DYRK4: variants seen among roughly 807,000 people sequenced by gnomAD.
The protein encoded by DYRK4 is dual specificity tyrosine-phosphorylation-regulated kinase 4.
DYRK4 carries 64 observed loss-of-function variants against 68.3 expected under a neutral mutation model. The ratio of observed to expected loss-of-function variants is 0.94; its 90% CI spans 0.77 to 1.15. DYRK4 has a LOEUF of 1.15. Ranked by LOEUF, DYRK4 falls within the 50% of genes most tolerant of loss-of-function variation. DYRK4 has a pLI of 0.00. For synonymous variants in DYRK4, 274 were observed against 289.9 expected (o/e 0.95, Z 0.56); for missense variants, 740 against 764.7 (o/e 0.97, Z 0.38).
chr12:4,599,076 T>C lies in DYRK4; in HGVS notation c.954T>C (p.Ser318=). 6.2e-7 allele frequency: 1 copy of C among 1,614,132 alleles called. No individual in the cohort carries two copies. Among genetic ancestry groups the C allele is most frequent in the South Asian group, 1.1e-5 (1 of 91,080 alleles). ...AGAATAACAACTTTCAAGGCTTCAG[T>C]CTGTCCATAGTTCGGCGCTTCACTC... The part of the protein sequence containing the change: ...LMKNNNFQGF[S]LSIVRRFTLS... Residue 318 remains serine (S), a synonymous_variant, in exon 9 of 15, where the codon AGT becomes AGC. Coordinates refer to ENST00000543431, the MANE Select transcript of DYRK4 (RefSeq NM_001394779.1).
intron 2 of DYRK4, among the ~76,000 whole-genome samples, chr12:4,572,179 G>A (rs1259918194): frequency 6.6e-6 from 1 of 152,216 alleles, no homozygotes. Context: ...CAGTTAAAGA[G>A]TTGGAACTGA....
intron 2 of DYRK4, among the ~76,000 whole-genome samples, chr12:4,577,532 G>T (rs554204750): frequency 7.1e-4 from 108 of 152,304 alleles, no homozygotes; most frequent in African/African-American, 2.3e-3. Flanking sequence ...CTTGATCGCT[G>T]TAGCTTTATA....
In DYRK4 at chr12:4,596,643, G is replaced by A. The variant is rs773956786; in HGVS notation, c.819G>A (p.Lys273=). 4.3e-6 allele frequency: 7 copies of A among 1,614,126 alleles called. No individual in the cohort carries two copies. Among genetic ancestry groups the A allele is most frequent in the East Asian group, 2.2e-5 (1 of 44,872 alleles). The change falls in exon 8 of 15, where the codon AAG becomes AAA. Residue 273 remains lysine, a synonymous_variant. Coordinates refer to ENST00000543431, the MANE Select transcript of DYRK4 (RefSeq NM_001394779.1). ...ELKILEALRK[K]DKDNTYNVVH... ...AGATCCTGGAAGCTCTCAGAAAGAA[G>A]GACAAAGACAACACCTACAATGTGG...
chr12:4,578,591 ATATTTGGAAATATAAC>A (rs1944811221), intron 2 of DYRK4, among the ~76,000 whole-genome samples: 1 of 152,230 alleles, frequency 6.6e-6, no homozygotes, highest in Non-Finnish European at 1.5e-5. Context: ...CTTGGATATT[ATATTTGGAAATATAAC>A]TATTTGGAAA....
At position 4,593,156 on chromosome 12, in the gene DYRK4, C is replaced by G; in HGVS notation, c.618C>G (p.Phe206Leu). ...CGAGTTTTGATGATGAGCATGGCTT[C>G]TATCTGAAGGTGATGGGGGTGGGGG... ...SKTSFDDEHGFYLKVLHDHIA... is the reference protein window; with the variant it reads ...SKTSFDDEHGLYLKVLHDHIA... The change falls in exon 6 of 15, where the codon TTC becomes TTG. Residue 206 changes from phenylalanine (F) to leucine (L), a missense_variant. By Grantham distance (22) the Phe-to-Leu change is conservative. This residue lies in a region of DYRK4 where 614 missense variants were observed against 603.7 expected (regional missense o/e 1.02). Coordinates refer to ENST00000543431, the MANE Select transcript of DYRK4 (RefSeq NM_001394779.1). 5.6e-6 allele frequency: 9 copies of G among 1,613,684 alleles called. No homozygotes were observed. The highest frequency in any genetic ancestry group is 7.6e-6 in the Non-Finnish European group (9 of 1,179,978).
At position 4,576,145 on chromosome 12, in the gene DYRK4, T is replaced by A. The variant is rs147629391; in HGVS notation, c.132+8097T>A. 3.9e-3 allele frequency among the ~76,000 whole-genome samples: 597 copies of A among 152,334 alleles called. 2 individuals carry two copies. Among genetic ancestry groups the A allele is most frequent in the African/African-American group, 0.014 (573 of 41,570 alleles). ...ATAGGATGATACCGGATAGTTTCAC[T>A]GACCTAAAAATACCCCATTGTCCAT... On this transcript the variant is annotated intron_variant, in intron 2 of 14. Coordinates refer to ENST00000543431, the MANE Select transcript of DYRK4 (RefSeq NM_001394779.1).
At chr12:4,568,809 G>C (rs1206157219) in intron 2 of DYRK4, among the ~76,000 whole-genome samples, 1 of 152,176 alleles carries the variant, frequency 6.6e-6, no homozygotes, top group Non-Finnish European at 1.5e-5. Context: ...AACCATCTAT[G>C]GGATCAACTT....
chr12:4,562,304 T>G (rs1591778922), intron 1 of DYRK4, 21 bp downstream of exon 1: 1 of 1,531,132 alleles, frequency 6.5e-7, no homozygotes. Context: ...CGGAGGCTCG[T>G]ACTTCACGAG....
At chr12:4,567,890 G>A (rs1283439523) in intron 1 of DYRK4, 65 bp from the exon 2 acceptor site, 17 of 1,335,758 alleles carry the variant, frequency 1.3e-5, no homozygotes, top group Non-Finnish European at 1.7e-5. Context: ...CTGTCCCTGA[G>A]TGTGTGGGCC....
rs992611095 is a variant in DYRK4, at chr12:4,607,370, G to C, written c.1343G>C (p.Arg448Thr). The change falls in exon 12 of 15, where the codon AGG becomes ACG. Residue 448 changes from arginine to threonine, a missense_variant. Around this residue, in one of 3 missense-constraint regions of DYRK4, gnomAD observed 614 missense variants for 603.7 expected, o/e 1.02. Coordinates refer to ENST00000543431, the MANE Select transcript of DYRK4 (RefSeq NM_001394779.1). ...GCCGGCTTCATTCAGACAGCCTCCA[G>C]GAGACAGACATTCTTTGGTAAGTCC... ...PPAGFIQTASRRQTFFDSKGF... is the reference protein window; with the variant it reads ...PPAGFIQTASTRQTFFDSKGF... The C allele has an allele frequency of 5.6e-6, 9 of 1,614,214 alleles. No individual in the cohort carries two copies. Among genetic ancestry groups the C allele is most frequent in the Non-Finnish European group, 6.8e-6 (8 of 1,180,038 alleles).
chr12:4,597,209 T>C, intron 8 of DYRK4: 2 of 951,574 alleles, frequency 2.1e-6, no homozygotes, highest in Non-Finnish European at 1.3e-6. Flanking sequence ...CTGACTTCAA[T>C]AGATTGGCGT....
In DYRK4 at chr12:4,610,196, A is replaced by G. The variant is rs1446398559; in HGVS notation, c.1402A>G (p.Lys468Glu). Reference protein sequence around the residue: ...FPKNITNNRGKKRYPDSKDLT... With the variant: ...FPKNITNNRGEKRYPDSKDLT... ...TAAAAATATAACCAACAACAGGGGG[A>G]AAAAAAGATACCCAGATTCCAAGGA... The change falls in exon 13 of 15, where the codon AAA becomes GAA. Residue 468 changes from lysine to glutamate, a missense_variant. Lys to Glu is a moderately conservative substitution (Grantham distance 56, BLOSUM62 1). Transcript: ENST00000543431. The G allele has an allele frequency of 1.3e-6, 2 of 1,590,890 alleles. No homozygotes were observed. Among genetic ancestry groups the G allele is most frequent in the African/African-American group, 1.4e-5 (1 of 73,986 alleles).
chr12:4,564,291 A>G (rs1189734198), intron 1 of DYRK4: 1 of 151,820 alleles, frequency 6.6e-6, no homozygotes, highest in Non-Finnish European at 1.5e-5. Flanking sequence ...TTGATTATAT[A>G]TTATATAAAT....
rs146724581 is a variant in DYRK4, at chr12:4,599,514, A to G, written c.1045-193A>G. On this transcript the variant is annotated intron_variant, in intron 9 of 14. Transcript: ENST00000543431. ...TGCAAAGCAGTGACTATGAGGTCTG[A>G]ATGAGAAACGCCGACCACAAGTCAA... 57 of 582,490 alleles carry G rather than the reference A, an allele frequency of 9.8e-5. No individual in the cohort carries two copies. In the East Asian group the frequency reaches 1.6e-3, roughly 16 times the overall value. 36.1% of individuals were successfully genotyped at this position (582,490 alleles called of 1,614,324 possible).
chr12:4,575,294 A>G (rs1435384382), intron 2 of DYRK4, among the ~76,000 whole-genome samples: 1 of 56,638 alleles, frequency 1.8e-5, no homozygotes, highest in Non-Finnish European at 3.9e-5. Flanking sequence ...ACTAACAATA[A>G]CTTACTGTGT....
At chr12:4,582,347 G>A (rs1944851263) in intron 2 of DYRK4, among the ~76,000 whole-genome samples, 1 of 152,212 alleles carries the variant, frequency 6.6e-6, no homozygotes, top group African/African-American at 2.4e-5. Context: ...GGGAGGCTGA[G>A]GCTGGAGAAT....
intron 13 of DYRK4, among the ~76,000 whole-genome samples, chr12:4,610,933 G>A (rs559518030): frequency 1.2e-4 from 18 of 152,218 alleles, no homozygotes; most frequent in African/African-American, 4.1e-4. Flanking sequence ...ATTATTTTAC[G>A]ACTATTAAAG....
At chr12:4,601,876 T>TTGTG (rs58259135) in intron 10 of DYRK4, 32,177 of 157,342 alleles carry the variant, frequency 0.2, 3,216 homozygotes, top group Non-Finnish European at 0.23. Flanking sequence ...TCTGTAGGGT[T>TTGTG]TGTGTGTGTG....
At chr12:4,586,508 T>C (rs984886125) in intron 2 of DYRK4, among the ~76,000 whole-genome samples, 24 of 152,146 alleles carry the variant, frequency 1.6e-4, no homozygotes, top group East Asian at 1.9e-4. Flanking sequence ...CAGCGATCCC[T>C]TGGTCGAATT....
Sources: allele counts gnomAD v4.1 joint callset (sites outside exome capture counted in the v4.1 genomes callset), GRCh38; gene constraint gnomAD v4.1.1; regional missense constraint gnomAD v4.1.1; transcripts MANE v1.5; gene names NCBI Gene and HGNC (gene_info 2026-07-23, HGNC 2026-07-21).